UBR1: variants seen among roughly 807,000 people sequenced by gnomAD.
The protein encoded by UBR1 is E3 ubiquitin-protein ligase UBR1.
Under a neutral mutation model 242.1 loss-of-function variants are expected in UBR1, and 102 were observed. The observed-to-expected ratio is 0.42, with a 90% CI of 0.36 to 0.50. The LOEUF is 0.50. Ranked by LOEUF, UBR1 falls within the 20% of genes least tolerant of loss-of-function variation. UBR1 has a pLI of 0.01. For missense variants in UBR1, 1,772 were observed against 2,101.8 expected, an observed-to-expected ratio of 0.84 and a Z score of 3.07; for synonymous variants, 675 against 684.8, an observed-to-expected ratio of 0.99 and a Z score of 0.22.
Position 43,003,436 on chromosome 15 carries a change from A to G in UBR1, c.3509+401T>C, listed in dbSNP as rs539979242. 115 of 273,248 alleles carry G rather than the reference A, an allele frequency of 4.2e-4. 1 individual carries two copies. The highest frequency in any genetic ancestry group is 2.5e-3 in the African/African-American group (111 of 44,530). 16.9% of individuals were successfully genotyped at this position (273,248 alleles called of 1,614,324 possible). ...ACACTCAGCTAATTTTTGTATTTTT[A>G]GTAGAGACAGGGTTTTACCACGTTG... On this transcript the variant is annotated intron_variant, in intron 31 of 46. Coordinates refer to ENST00000290650, the MANE Select transcript of UBR1 (RefSeq NM_174916.3).
chr15:42,985,989 CAAAA>C (rs1230190123), intron 35 of UBR1, among the ~76,000 whole-genome samples: 2 of 47,064 alleles, frequency 4.2e-5, no homozygotes, highest in Non-Finnish European at 8.9e-5. Context: ...GACCCTGTCT[CAAAA>C]AAAAAAAAAA....
chr15:43,090,444 T>TA (rs1567150016), intron 1 of UBR1, among the ~76,000 whole-genome samples: 1 of 152,108 alleles, frequency 6.6e-6, no homozygotes, highest in Non-Finnish European at 1.5e-5. Context: ...TTTATTTTAC[T>TA]AATACCTTTT....
chr15:43,029,751 G>T (rs1452197659), intron 21 of UBR1, among the ~76,000 whole-genome samples, 193 bp downstream of exon 21: 2 of 152,056 alleles, frequency 1.3e-5, no homozygotes, highest in African/African-American at 4.8e-5. Flanking sequence ...TTATTTTAAA[G>T]TAAACAAAAA....
At chr15:42,980,155 C>A (rs562112856) in intron 37 of UBR1, among the ~76,000 whole-genome samples, 1 of 152,314 alleles carries the variant, frequency 6.6e-6, no homozygotes, top group South Asian at 2.1e-4. Context: ...TAATTTCCAT[C>A]ATCTTTTCAG....
In UBR1 at chr15:42,944,959, TG is replaced by T. The variant is rs1411779126; in HGVS notation, c.*369del. 1.9e-5 allele frequency: 5 copies of T among 269,248 alleles called. No individual in the cohort carries two copies. Among genetic ancestry groups the T allele is most frequent in the Non-Finnish European group, 2.9e-5 (4 of 138,124 alleles). 16.7% of individuals were successfully genotyped at this position (269,248 alleles called of 1,614,324 possible). ...GATCCAATGTCAGTTGAACTAAACT[TG>T]GGGGGAAAACACCAAATACAAAATT... On this transcript the variant is annotated 3_prime_UTR_variant, in exon 47 of 47. Transcript: ENST00000290650.
intron 16 of UBR1, 63 bp from the exon 17 acceptor site, chr15:43,037,946 G>T: frequency 6.9e-7 from 1 of 1,455,492 alleles, no homozygotes; most frequent in Non-Finnish European, 9.5e-7. Flanking sequence ...TCCAAGTTAT[G>T]CCACTACATA....
intron 33 of UBR1, among the ~76,000 whole-genome samples, chr15:42,994,312 C>G (rs1330711598): frequency 4.2e-5 from 6 of 141,848 alleles, no homozygotes; most frequent in Non-Finnish European, 7.5e-5. Flanking sequence ...CTTTGGGAAG[C>G]CATGGTGGGA....
chr15:42,959,015 G>A (rs1232841220), intron 43 of UBR1, among the ~76,000 whole-genome samples: 3 of 151,456 alleles, frequency 2.0e-5, no homozygotes, highest in Admixed American at 6.6e-5. Flanking sequence ...ATTTTTACTA[G>A]AGACGGGGTT....
intron 46 of UBR1, among the ~76,000 whole-genome samples, chr15:42,947,010 G>A (rs965676726): frequency 6.6e-6 from 1 of 152,228 alleles, no homozygotes; most frequent in African/African-American, 2.4e-5. Context: ...AATTAGCCGG[G>A]TGTGGTGGTG....
intron 29 of UBR1, among the ~76,000 whole-genome samples, chr15:43,012,856 G>A (rs2032943884): frequency 6.6e-6 from 1 of 152,180 alleles, no homozygotes; most frequent in Non-Finnish European, 1.5e-5. Flanking sequence ...ATATCAGATA[G>A]GATGTATTGT....
At chr15:42,987,578 G>T (rs929788470) in intron 35 of UBR1, among the ~76,000 whole-genome samples, 2 of 152,012 alleles carry the variant, frequency 1.3e-5, no homozygotes, top group Non-Finnish European at 2.9e-5. Flanking sequence ...GCTGGGCGTG[G>T]TGGCGTGCAC....
intron 37 of UBR1, among the ~76,000 whole-genome samples, chr15:42,980,329 C>T (rs1346008424): frequency 6.6e-6 from 1 of 152,138 alleles, no homozygotes; most frequent in Non-Finnish European, 1.5e-5. Flanking sequence ...CCTTTATGCA[C>T]AATTAAACAC....
intron 31 of UBR1, 38 bp from the exon 32 acceptor site, chr15:43,002,742 C>T (rs903450519): frequency 6.8e-6 from 11 of 1,613,638 alleles, no homozygotes; most frequent in African/African-American, 1.3e-5. Context: ...TTCAGAACTA[C>T]ACATGCATCT....
chr15:42,945,277 T>A lies in UBR1; in HGVS notation c.*52A>T, dbSNP rs2031712498. ...TCAGAAAGTTTTCCATAATTTTGAA[T>A]CAGCCTTTACTACTGTCGTCATTTG... On this transcript the variant is annotated 3_prime_UTR_variant, in exon 47 of 47. Transcript: ENST00000290650. The A allele has an allele frequency of 6.2e-7, 1 of 1,613,500 alleles. No homozygotes were observed. The highest frequency in any genetic ancestry group is 1.3e-5 in the African/African-American group (1 of 74,934).
chr15:42,987,102 G>A (rs1052762957), intron 35 of UBR1, among the ~76,000 whole-genome samples: 2 of 152,218 alleles, frequency 1.3e-5, no homozygotes, highest in Non-Finnish European at 2.9e-5. Flanking sequence ...ATGTCCAACC[G>A]CAGTCTGGCT....
At chr15:43,004,400 C>G (rs901106240) in intron 30 of UBR1, among the ~76,000 whole-genome samples, 2 of 152,150 alleles carry the variant, frequency 1.3e-5, no homozygotes, top group Non-Finnish European at 2.9e-5. Flanking sequence ...TGTCCCCGGT[C>G]TCCCTCTGAT....
chr15:43,054,931 C>T (rs2033598623), intron 11 of UBR1, 32 bp from the exon 12 acceptor site: 2 of 1,611,420 alleles, frequency 1.2e-6, no homozygotes, highest in African/African-American at 1.3e-5. Flanking sequence ...TTTTCTTTAG[C>T]ATTAACTCAT....
chr15:43,000,931 T>C (rs1455225054), intron 32 of UBR1, among the ~76,000 whole-genome samples: 1 of 152,156 alleles, frequency 6.6e-6, no homozygotes, highest in Admixed American at 6.6e-5. Context: ...CCTCCCGGGT[T>C]CAAGCAATTT....
chr15:43,082,494 C>CT lies in UBR1; in HGVS notation c.417+143dup, dbSNP rs1318865205. 4.2e-6 allele frequency: 3 copies of CT among 707,250 alleles called. No homozygotes were observed. The African/African-American group carries it at 5.3e-5, about 12-fold the overall frequency. The allele number at this position is 707,250 out of a possible 1,614,324, so 43.8% of individuals were successfully genotyped here. A position where few individuals can be genotyped will look rare whatever the true frequency, so the allele number is the denominator to read the frequency against. On this transcript the variant is annotated intron_variant, in intron 3 of 46. Coordinates refer to ENST00000290650, the MANE Select transcript of UBR1 (RefSeq NM_174916.3). ...CTTTTCTGTAAAGCAACACACATCC[C>CT]TTATCTCTTCCAATCTTTTCTTTAA... is the stretch of plus-strand genomic sequence containing the variant.
Sources: allele counts gnomAD v4.1 joint callset (sites outside exome capture counted in the v4.1 genomes callset), GRCh38; gene constraint gnomAD v4.1.1; transcripts MANE v1.5; gene names NCBI Gene and HGNC (gene_info 2026-07-23, HGNC 2026-07-21).